Variants in HMGN1 observed in about 807,000 individuals in gnomAD.
HMGN1 encodes non-histone chromosomal protein HMG-14.
In HMGN1, 9 loss-of-function variants were observed where a neutral mutation model predicts 18.4. That is an observed-to-expected ratio of 0.49 (90% CI 0.29 to 0.85). HMGN1 has a LOEUF of 0.85. HMGN1 is among the 40% of genes least tolerant of loss of function. The pLI, the probability that HMGN1 is intolerant of heterozygous loss-of-function variation, is 0.07. For synonymous variants in HMGN1, 59 were observed against 45.0 expected, an observed-to-expected ratio of 1.31 and a Z score of -1.24; for missense variants, 151 against 119.2, an observed-to-expected ratio of 1.27 and a Z score of -1.24.
chr21:39,348,285 G>A lies in HMGN1; in HGVS notation c.126+7C>T. On this transcript the variant is annotated splice_region_variant and intron_variant, in intron 4 of 5. Coordinates refer to ENST00000380749, the MANE Select transcript of HMGN1 (RefSeq NM_004965.7). ...CGCTGCATCCCAATGCGCGTTTCGAGGCTTACCTTCGCTGCTGCCTTTTTC... is the reference window on the plus strand; with the variant it reads ...CGCTGCATCCCAATGCGCGTTTCGAAGCTTACCTTCGCTGCTGCCTTTTTC... 6.2e-7 allele frequency: 1 copy of A among 1,614,046 alleles called. No individual in the cohort carries two copies. Among genetic ancestry groups the A allele is most frequent in the South Asian group, 1.1e-5 (1 of 91,084 alleles).
intron 4 of HMGN1, chr21:39,346,172 C>A (rs913800847): frequency 1.1e-5 from 4 of 353,054 alleles, no homozygotes; most frequent in Non-Finnish European, 1.1e-5. Flanking sequence ...GGATACTGAC[C>A]AATTACTTGA....
chr21:39,347,317 T>G, intron 4 of HMGN1: 1 of 981,742 alleles, frequency 1.0e-6, no homozygotes, highest in Non-Finnish European at 1.3e-6. Flanking sequence ...ATAGTTAACA[T>G]TTTTACACTC....
At chr21:39,348,685 C>A in intron 1 of HMGN1, 108 bp from the exon 2 acceptor site, 1 of 1,360,106 alleles carries the variant, frequency 7.4e-7, no homozygotes, top group Middle Eastern at 2.6e-4. Context: ...GGCTTCCCGC[C>A]GCCCCGTTCG....
chr21:39,347,969 A>G, intron 4 of HMGN1: 1 of 1,224,530 alleles, frequency 8.2e-7, no homozygotes, highest in Non-Finnish European at 1.0e-6. Context: ...TTGTCAAAAA[A>G]GGAAGTACAA....
At position 39,342,756 on chromosome 21, in the gene HMGN1, A is replaced by C. The variant is rs2036904994; in HGVS notation, c.*356T>G. 1.7e-6 allele frequency: 1 copy of C among 578,748 alleles called. No homozygotes were observed. Among genetic ancestry groups the C allele is most frequent in the African/African-American group, 2.0e-5 (1 of 50,808 alleles). 35.9% of individuals were successfully genotyped at this position (578,748 alleles called of 1,614,324 possible). ...AGTAATTTAAAATGTTCAAGACATT[A>C]AATGCAGGACTGACTCCATATTGCC... is the stretch of plus-strand genomic sequence containing the variant. On this transcript the variant is annotated 3_prime_UTR_variant, in exon 6 of 6. Coordinates refer to ENST00000380749, the MANE Select transcript of HMGN1 (RefSeq NM_004965.7).
intron 1 of HMGN1, 61 bp from the exon 2 acceptor site, chr21:39,348,638 C>G: frequency 6.6e-7 from 1 of 1,513,048 alleles, no homozygotes; most frequent in Non-Finnish European, 8.8e-7. Context: ...GCGGGCCCGC[C>G]CGGCCCCGAG....
intron 5 of HMGN1, chr21:39,344,617 C>T (rs1569004538): frequency 6.6e-6 from 1 of 151,268 alleles, no homozygotes. Flanking sequence ...ACTCCCACTG[C>T]TTCATTAATA....
At position 39,348,548 on chromosome 21, in the gene HMGN1, T is replaced by C. The variant is rs949504480; in HGVS notation, c.45A>G (p.Glu15=). ...CCCGCAGAAGGCCCGCACTCACCTC[T>C]TCCTTGGCGGCGCCTTCGGCGGAGC... The part of the protein sequence containing the change: ...KVSSAEGAAK[E]EPKRRSARLS... Residue 15 remains glutamate, a synonymous_variant, in exon 2 of 6, where the codon GAA becomes GAG. Coordinates refer to ENST00000380749, the MANE Select transcript of HMGN1 (RefSeq NM_004965.7). 3 of 1,613,144 alleles carry C rather than the reference T, an allele frequency of 1.9e-6. No individual in the cohort carries two copies. Among genetic ancestry groups the C allele is most frequent in the African/African-American group, 2.7e-5 (2 of 74,884 alleles).
In HMGN1 at chr21:39,348,261, G is replaced by A. The variant is rs761104939; in HGVS notation, c.126+31C>T. ...AAGAAGCAGTGTAGCCTAAGGCCCCGCTGCATCCCAATGCGCGTTTCGAGG... is the reference window on the plus strand; with the variant it reads ...AAGAAGCAGTGTAGCCTAAGGCCCCACTGCATCCCAATGCGCGTTTCGAGG... On this transcript the variant is annotated intron_variant, in intron 4 of 5. Transcript: ENST00000380749. 18 of 1,612,316 alleles carry A rather than the reference G, an allele frequency of 1.1e-5. No homozygotes were observed. In the East Asian group the frequency reaches 2.0e-4, roughly 18 times the overall value.
Position 39,343,074 on chromosome 21 carries a change from G to T in HMGN1, c.*38C>A, listed in dbSNP as rs376820669. 1.0e-5 allele frequency: 14 copies of T among 1,343,774 alleles called. No individual in the cohort carries two copies. Among genetic ancestry groups the T allele is most frequent in the Non-Finnish European group, 1.5e-5 (14 of 942,820 alleles). The allele number at this position is 1,343,774 out of a possible 1,614,324, so 83.2% of individuals were successfully genotyped here. On this transcript the variant is annotated 3_prime_UTR_variant, in exon 6 of 6. Coordinates refer to ENST00000380749, the MANE Select transcript of HMGN1 (RefSeq NM_004965.7). ...ATATTCCTCTGGATTGTACAAGAAG[G>T]GAGACAGGGACCACTGATAAGACAT...
chr21:39,346,418 T>C (rs2037055631), intron 4 of HMGN1: 1 of 143,996 alleles, frequency 6.9e-6, no homozygotes, highest in Non-Finnish European at 1.5e-5. Flanking sequence ...GAACTACTCT[T>C]TTGTAGTCTG....
chr21:39,342,682 G>A lies in HMGN1; in HGVS notation c.*430C>T, dbSNP rs1190789878. 3.0e-6 allele frequency: 1 copy of A among 332,490 alleles called. No individual in the cohort carries two copies. The highest frequency in any genetic ancestry group is 2.3e-5 in the South Asian group (1 of 43,608). 20.6% of individuals were successfully genotyped at this position (332,490 alleles called of 1,614,324 possible). ...TGGCAGAGAGAGCCATGATCAAAGA[G>A]TGGTTTTCTTTAGGAAACAATTCTA... On this transcript the variant is annotated 3_prime_UTR_variant, in exon 6 of 6. Transcript: ENST00000380749.
rs1374279247 is a variant in HMGN1 at position 39,342,902 on chromosome 21, T to A, written c.*210A>T. 1 of 1,355,282 alleles carries A rather than the reference T, an allele frequency of 7.4e-7. No homozygotes were observed. Among genetic ancestry groups the A allele is most frequent in the Non-Finnish European group, 1.0e-6 (1 of 995,182 alleles). The allele number at this position is 1,355,282 out of a possible 1,614,324, so 84.0% of individuals were successfully genotyped here. A position where few individuals can be genotyped will look rare whatever the true frequency, so the allele number is the denominator to read the frequency against. On this transcript the variant is annotated 3_prime_UTR_variant, in exon 6 of 6. Coordinates refer to ENST00000380749, the MANE Select transcript of HMGN1 (RefSeq NM_004965.7). ...AATATCCCACACTATTTTCTGGTTG[T>A]ACCAAAAAATAAACAACCAGCAAAT... is the stretch of plus-strand genomic sequence containing the variant.
At chr21:39,343,191 A>G (rs1569003000) in intron 5 of HMGN1, 32 bp from the exon 6 acceptor site, 1 of 1,574,180 alleles carries the variant, frequency 6.4e-7, no homozygotes, top group East Asian at 2.3e-5. Context: ...GATCTTTAGC[A>G]TTTAACACGT....
chr21:39,342,636 G>C lies in HMGN1; in HGVS notation c.*476C>G. The stretch of plus-strand genomic sequence containing the variant: ...AGGAAAACAGGACTACCACAAAGAT[G>C]TTACAGAGTGCACACAATTCTGGCA... On this transcript the variant is annotated 3_prime_UTR_variant, in exon 6 of 6. Coordinates refer to ENST00000380749, the MANE Select transcript of HMGN1 (RefSeq NM_004965.7). 3.5e-6 allele frequency: 1 copy of C among 286,238 alleles called. No homozygotes were observed. The highest frequency in any genetic ancestry group is 8.1e-5 in the East Asian group (1 of 12,292). 17.7% of individuals were successfully genotyped at this position (286,238 alleles called of 1,614,324 possible). A position where few individuals can be genotyped will look rare whatever the true frequency, so the allele number is the denominator to read the frequency against.
chr21:39,348,437 C>T lies in HMGN1; in HGVS notation c.63G>A (p.Ser21=), dbSNP rs553549089. The T allele has an allele frequency of 1.8e-4, 283 of 1,614,198 alleles. 3 individuals are homozygous for T. In the South Asian group the frequency reaches 2.6e-3, roughly 15 times the overall value. ...GAAKEEPKRR[S]ARLSAKPPAK... ...CTTTACTTACAGCTGACAACCGCGC[C>T]GATCTCCTCTTGGGCTTGGAGAAAG... The change falls in exon 3 of 6, where the codon TCG becomes TCA. Residue 21 remains serine (S), a synonymous_variant. Transcript: ENST00000380749.
chr21:39,347,854 AC>A (rs1477518193), intron 4 of HMGN1: 1 of 71,166 alleles, frequency 1.4e-5, no homozygotes, highest in Non-Finnish European at 2.8e-5. Context: ...CCCCACCCCC[AC>A]CCCGTAAAAA....
In HMGN1 at chr21:39,343,227, C is replaced by T. The variant is rs933009774; in HGVS notation, c.256-68G>A. ...TGTCGTTTTATTTATATGCAACTATCAGGTCTTTAAAAAAGTCAATAACCT... is the reference window on the plus strand; with the variant it reads ...TGTCGTTTTATTTATATGCAACTATTAGGTCTTTAAAAAAGTCAATAACCT... On this transcript the variant is annotated intron_variant, in intron 5 of 5. Coordinates refer to ENST00000380749, the MANE Select transcript of HMGN1 (RefSeq NM_004965.7). 4.9e-6 allele frequency: 7 copies of T among 1,425,972 alleles called. No individual in the cohort carries two copies. The East Asian group carries it at 1.6e-4, about 33-fold the overall frequency. The allele number at this position is 1,425,972 out of a possible 1,614,324, so 88.3% of individuals were successfully genotyped here.
In HMGN1 at chr21:39,348,686, G is replaced by T. The variant is rs917881928; in HGVS notation, c.16-109C>A. ...CCGCGTGACGTCACGGCTTCCCGCC[G>T]CCCCGTTCGAATAGCCCCCTCAGCT... On this transcript the variant is annotated intron_variant, in intron 1 of 5. Transcript: ENST00000380749. The T allele has an allele frequency of 5.3e-5, 72 of 1,354,358 alleles. No homozygotes were observed. The African/African-American group carries it at 7.6e-4, about 14-fold the overall frequency. The allele number at this position is 1,354,358 out of a possible 1,614,324, so 83.9% of individuals were successfully genotyped here.
Sources: gnomAD v4.1 joint callset for allele counts on GRCh38, gnomAD v4.1.1 for gene constraint, MANE v1.5 for transcripts, NCBI Gene and HGNC (gene_info 2026-07-23, HGNC 2026-07-21) for gene names.